Variants in TRPS1 observed in about 807,000 individuals in gnomAD.
The protein encoded by TRPS1 is zinc finger transcription factor Trps1.
In TRPS1, 6 loss-of-function variants were observed where a neutral mutation model predicts 101.2. The ratio of observed to expected loss-of-function variants is 0.06; its 90% confidence interval spans 0.03 to 0.12. The LOEUF (loss-of-function observed/expected upper bound fraction) is 0.12. Among genes scored for constraint, TRPS1 ranks in the 10% least tolerant of loss-of-function variants. The pLI is 1.00. For missense variants in TRPS1, 1,363 were observed against 1,567.0 expected, an observed-to-expected ratio of 0.87 and a Z score of 2.20; for synonymous variants, 578 against 589.8, an observed-to-expected ratio of 0.98 and a Z score of 0.29.
intron 5 of TRPS1, among the ~76,000 whole-genome samples, chr8:115,504,952 T>A (rs927473240): frequency 6.6e-6 from 1 of 152,112 alleles, no homozygotes; most frequent in African/African-American, 2.4e-5. Flanking sequence ...GGGCTTTGGC[T>A]GGCATTTTTA....
intron 5 of TRPS1, among the ~76,000 whole-genome samples, chr8:115,513,887 G>A (rs1236485581): frequency 6.6e-6 from 1 of 151,584 alleles, no homozygotes; most frequent in Non-Finnish European, 1.5e-5. Flanking sequence ...AAAGAGTTGT[G>A]TGAAAGAAAT....
intron 5 of TRPS1, 120 bp downstream of exon 5, chr8:115,586,881 A>C: frequency 6.4e-7 from 1 of 1,563,342 alleles, no homozygotes; most frequent in Non-Finnish European, 8.7e-7. Flanking sequence ...ATAAATCCCC[A>C]GATTGAGACA....
In TRPS1 at chr8:115,507,738, T is replaced by C. The variant is rs138623415; in HGVS notation, c.2700+79263A>G. Among the ~76,000 whole-genome samples the C allele has an allele frequency of 4.3e-3, 648 of 152,228 alleles. 7 individuals are homozygous for C. The highest frequency in any genetic ancestry group is 0.026 in the Admixed American group (394 of 15,274). ...CCTAATTTGAGATAGACCTTTTCTT[T>C]TGGGACCTCAACCATTGAACAAGCA... On this transcript the variant is annotated intron_variant, in intron 5 of 6. Coordinates refer to ENST00000395715, the MANE Select transcript of TRPS1 (RefSeq NM_014112.5).
intron 1 of TRPS1, among the ~76,000 whole-genome samples, chr8:115,638,794 A>G (rs962080454): frequency 3.3e-5 from 5 of 152,164 alleles, no homozygotes; most frequent in African/African-American, 1.2e-4. Context: ...TAATATGTAT[A>G]ATTGGCCTAT....
At chr8:115,481,013 A>G (rs1814738837) in intron 5 of TRPS1, among the ~76,000 whole-genome samples, 1 of 152,090 alleles carries the variant, frequency 6.6e-6, no homozygotes, top group African/African-American at 2.4e-5. Context: ...CATTATAGAG[A>G]GAAAGTATTA....
chr8:115,497,319 A>ATATTGTGAAGTT (rs1563553088), intron 5 of TRPS1, among the ~76,000 whole-genome samples: 2 of 152,000 alleles, frequency 1.3e-5, no homozygotes, highest in Non-Finnish European at 2.9e-5. Flanking sequence ...AATAGGGTTT[A>ATATTGTGAAGTT]CTCTCCTATG....
At chr8:115,554,491 A>C (rs1816773106) in intron 5 of TRPS1, among the ~76,000 whole-genome samples, 1 of 152,168 alleles carries the variant, frequency 6.6e-6, no homozygotes, top group Non-Finnish European at 1.5e-5. Context: ...CAATGCACAA[A>C]ATAAAATGAT....
At chr8:115,556,724 G>A (rs1459665617) in intron 5 of TRPS1, among the ~76,000 whole-genome samples, 1 of 152,136 alleles carries the variant, frequency 6.6e-6, no homozygotes. Flanking sequence ...GCAACTTAAT[G>A]AAGTTGGGAA....
At chr8:115,577,982 C>T (rs1037514512) in intron 5 of TRPS1, among the ~76,000 whole-genome samples, 7 of 152,174 alleles carry the variant, frequency 4.6e-5, no homozygotes, top group East Asian at 3.9e-4. Context: ...ATTATTCGCC[C>T]GAGAAAGGCA....
rs765509872 is a variant in TRPS1 at position 115,587,095 on chromosome 8, G to A, written c.2606C>T (p.Ala869Val). The A allele has an allele frequency of 1.2e-6, 2 of 1,613,942 alleles. No individual in the cohort carries two copies. Among genetic ancestry groups the A allele is most frequent in the Admixed American group, 3.3e-5 (2 of 60,020 alleles). ...AVETKGFLQG[A>V]PAGGEKSGAL... The stretch of plus-strand genomic sequence containing the variant: ...CCCAGACTTCTCTCCGCCAGCTGGC[G>A]CCCCCTGCAGGAATCCCTTGGTTTC... The change falls in exon 5 of 7, where the codon GCG (alanine) becomes GTG (valine). Residue 869 changes from alanine (A) to valine (V), a missense_variant. Transcript: ENST00000395715.
At chr8:115,667,961 G>A in intron 1 of TRPS1, 2 of 1,496,298 alleles carry the variant, frequency 1.3e-6, no homozygotes, top group South Asian at 1.2e-5. Context: ...CGGCCCCTCG[G>A]GTCCAACCAC....
chr8:115,574,271 T>A (rs1817268814), intron 5 of TRPS1, among the ~76,000 whole-genome samples: 2 of 152,190 alleles, frequency 1.3e-5, no homozygotes, highest in Non-Finnish European at 2.9e-5. Flanking sequence ...TCTATTTCTT[T>A]CAAGTTTGAG....
chr8:115,614,163 A>G (rs1378910216), intron 3 of TRPS1, among the ~76,000 whole-genome samples: 4 of 152,222 alleles, frequency 2.6e-5, no homozygotes, highest in African/African-American at 9.6e-5. Flanking sequence ...CAAGAAATAA[A>G]AAAACACTGA....
Position 115,505,268 on chromosome 8 carries a change from G to A in TRPS1, c.2700+81733C>T, listed in dbSNP as rs1815413818. On this transcript the variant is annotated intron_variant, in intron 5 of 6. Transcript: ENST00000395715. ...GAAATATAACAAAATCCATGGTTAA[G>A]TATTGTCTCTGTTAACACAGTTTAC... is the stretch of plus-strand genomic sequence containing the variant. Among the ~76,000 whole-genome samples the A allele has an allele frequency of 3.3e-5, 5 of 152,232 alleles. No homozygotes were observed. In the South Asian group the frequency reaches 1.0e-3, roughly 32 times the overall value.
intron 1 of TRPS1, among the ~76,000 whole-genome samples, chr8:115,650,074 G>A (rs963679684): frequency 6.6e-6 from 1 of 152,090 alleles, no homozygotes; most frequent in Non-Finnish European, 1.5e-5. Flanking sequence ...TCTAAATTTC[G>A]CCTACTCACT....
At chr8:115,464,899 C>T (rs973901175) in intron 5 of TRPS1, among the ~76,000 whole-genome samples, 2 of 152,008 alleles carry the variant, frequency 1.3e-5, no homozygotes, top group Non-Finnish European at 2.9e-5. Flanking sequence ...ACAAGATGTG[C>T]TATATCAAAG....
chr8:115,500,324 G>T (rs933287164), intron 5 of TRPS1, among the ~76,000 whole-genome samples: 1 of 151,930 alleles, frequency 6.6e-6, no homozygotes, highest in African/African-American at 2.4e-5. Flanking sequence ...CACCGTGCCC[G>T]GCCTATTTCT....
At chr8:115,509,740 C>T (rs988307285) in intron 5 of TRPS1, 12 of 151,952 alleles carry the variant, frequency 7.9e-5, no homozygotes, top group Admixed American at 5.3e-4. Context: ...AGTGATTCTT[C>T]GTTCTTTGGA....
intron 6 of TRPS1, among the ~76,000 whole-genome samples, chr8:115,416,786 A>G (rs1172555994): frequency 1.3e-5 from 2 of 152,062 alleles, no homozygotes; most frequent in Non-Finnish European, 2.9e-5. Context: ...TAGTTTAAGA[A>G]AGAAAATGCA....
Sources: gnomAD v4.1 joint callset for allele counts (sites outside exome capture counted in the v4.1 genomes callset) on GRCh38, gnomAD v4.1.1 for gene constraint, MANE v1.5 for transcripts, NCBI Gene and HGNC (gene_info 2026-07-23, HGNC 2026-07-21) for gene names.